The following GFRAL variants were observed in gnomAD, a reference collection of about 807,000 sequenced individuals.
GFRAL encodes the protein GDNF family receptor alpha like.
Under a neutral mutation model 45.4 loss-of-function variants are expected in GFRAL, and 36 were observed. The observed-to-expected ratio is 0.79, with a 90% CI of 0.61 to 1.05. GFRAL has a LOEUF of 1.05. Ranked by LOEUF, GFRAL falls within the 50% of genes least tolerant of loss-of-function variation. The pLI, the probability that GFRAL is intolerant of heterozygous loss-of-function variation, is 0.00. For missense variants in GFRAL, 507 were observed against 467.5 expected, an observed-to-expected ratio of 1.08 and a Z score of -0.78; for synonymous variants, 166 against 154.1, an observed-to-expected ratio of 1.08 and a Z score of -0.57.
intron 3 of GFRAL, among the ~76,000 whole-genome samples, 184 bp downstream of exon 3, chr6:55,334,128 GT>G (rs1257027990): frequency 6.6e-6 from 1 of 152,052 alleles, no homozygotes; most frequent in Non-Finnish European, 1.5e-5. Flanking sequence ...TACATGAGGT[GT>G]TTTGATACAG....
In GFRAL at chr6:55,380,785, G is replaced by T. The variant is rs185147187; in HGVS notation, c.953-18395G>T. ...GTAGTGAATGAATGAATGAGTAAAT[G>T]AATGAAAGTCAACCATAGTTCTATG... On this transcript the variant is annotated intron_variant, in intron 6 of 8. Coordinates refer to ENST00000340465, the MANE Select transcript of GFRAL (RefSeq NM_207410.2). Among the ~76,000 whole-genome samples, 5 of 152,056 alleles carry T rather than the reference G, an allele frequency of 3.3e-5. No homozygotes were observed. The East Asian group carries it at 9.7e-4, about 29-fold the overall frequency.
In GFRAL at chr6:55,399,447, T is replaced by C. The variant is rs1226447561; in HGVS notation, c.1121+6T>C. 2 of 1,578,632 alleles carry C rather than the reference T, an allele frequency of 1.3e-6. No individual in the cohort carries two copies. Among genetic ancestry groups the C allele is most frequent in the African/African-American group, 1.3e-5 (1 of 74,242 alleles). On this transcript the variant is annotated splice_donor_region_variant and intron_variant, in intron 8 of 8. Transcript: ENST00000340465. Reference sequence around the variant, plus strand: ...TTGGTTATGGTCAAGCTTAGGTAACTGAATATAAATTAGAAGGAAAGGTCT... The same window carrying C: ...TTGGTTATGGTCAAGCTTAGGTAACCGAATATAAATTAGAAGGAAAGGTCT...
At chr6:55,389,710 C>T (rs1295495330) in intron 6 of GFRAL, among the ~76,000 whole-genome samples, 3 of 152,184 alleles carry the variant, frequency 2.0e-5, no homozygotes, top group Non-Finnish European at 2.9e-5. Flanking sequence ...CTATGCTACA[C>T]TACTCCTCAC....
At position 55,344,094 on chromosome 6, in the gene GFRAL, A is replaced by T. The variant is rs191700582; in HGVS notation, c.317-5998A>T. ...CCAGGACCAGATGGATTCACAGTTG[A>T]ATTCTAGCAGAAATACAAACAGGAG... On this transcript the variant is annotated intron_variant, in intron 3 of 8. Coordinates refer to ENST00000340465, the MANE Select transcript of GFRAL (RefSeq NM_207410.2). 4.4e-4 allele frequency among the ~76,000 whole-genome samples: 67 copies of T among 152,338 alleles called. No homozygotes were observed. In the South Asian group the frequency reaches 5.6e-3, roughly 13 times the overall value.
Position 55,399,292 on chromosome 6 carries a change from T to A in GFRAL, c.1048+17T>A. ...CCTTCAATGGTCAGTTAAAAATCAA[T>A]CCTCTATAATATTTATATTATTTAT... On this transcript the variant is annotated intron_variant, in intron 7 of 8. Coordinates refer to ENST00000340465, the MANE Select transcript of GFRAL (RefSeq NM_207410.2). 2 of 1,523,498 alleles carry A rather than the reference T, an allele frequency of 1.3e-6. No individual in the cohort carries two copies. Among genetic ancestry groups the A allele is most frequent in the Non-Finnish European group, 9.0e-7 (1 of 1,106,778 alleles). 94.4% of individuals were successfully genotyped at this position (1,523,498 alleles called of 1,614,324 possible).
intron 6 of GFRAL, among the ~76,000 whole-genome samples, chr6:55,392,401 G>T (rs1426514367): frequency 6.6e-6 from 1 of 152,206 alleles, no homozygotes; most frequent in East Asian, 1.9e-4. Flanking sequence ...CAAATATGGT[G>T]CTTTTCATCA....
At chr6:55,377,116 G>C (rs1768545687) in intron 6 of GFRAL, among the ~76,000 whole-genome samples, 1 of 151,992 alleles carries the variant, frequency 6.6e-6, no homozygotes, top group South Asian at 2.1e-4. Flanking sequence ...GCTACTGGCT[G>C]GGTGGATATC....
intron 6 of GFRAL, among the ~76,000 whole-genome samples, chr6:55,388,923 G>C (rs1052847708): frequency 6.6e-6 from 1 of 151,914 alleles, no homozygotes; most frequent in Admixed American, 6.6e-5. Context: ...TCTTCCCCCA[G>C]CTCCCCTCAC....
intron 3 of GFRAL, among the ~76,000 whole-genome samples, chr6:55,338,253 C>A (rs1767916800): frequency 1.3e-5 from 2 of 151,940 alleles, no homozygotes; most frequent in South Asian, 4.2e-4. Context: ...CCACACCTGG[C>A]TGATTTTTGT....
chr6:55,354,117 A>G (rs928112104), intron 5 of GFRAL, among the ~76,000 whole-genome samples: 1 of 152,074 alleles, frequency 6.6e-6, no homozygotes, highest in Non-Finnish European at 1.5e-5. Context: ...AGCCATTAGC[A>G]TTCAACCTTC....
chr6:55,357,541 A>C (rs184090399), intron 5 of GFRAL, among the ~76,000 whole-genome samples: 3 of 151,574 alleles, frequency 2.0e-5, no homozygotes, highest in Admixed American at 2.0e-4. Flanking sequence ...TTTATTTTTC[A>C]ATCTATGTGT....
intron 6 of GFRAL, among the ~76,000 whole-genome samples, chr6:55,368,110 G>A (rs1169320677): frequency 1.3e-5 from 2 of 149,558 alleles, no homozygotes; most frequent in Non-Finnish European, 3.0e-5. Context: ...TTTTCACATA[G>A]TCCCATATTT....
In GFRAL at chr6:55,394,720, C is replaced by G. The variant is rs531957622; in HGVS notation, c.953-4460C>G. Among the ~76,000 whole-genome samples, 3 of 152,088 alleles carry G rather than the reference C, an allele frequency of 2.0e-5. No homozygotes were observed. The South Asian group carries it at 6.2e-4, about 32-fold the overall frequency. On this transcript the variant is annotated intron_variant, in intron 6 of 8. Transcript: ENST00000340465. ...GAGAACTAGAGGTAACAAAATGGTT[C>G]CTGAGTCGTCAGCTTTTAAGTGGTC... is the stretch of plus-strand genomic sequence containing the variant.
At chr6:55,345,903 A>C (rs2127353655) in intron 3 of GFRAL, among the ~76,000 whole-genome samples, 1 of 152,338 alleles carries the variant, frequency 6.6e-6, no homozygotes, top group African/African-American at 2.4e-5. Flanking sequence ...CACTTCTCAA[A>C]AGAAGACATT....
intron 6 of GFRAL, among the ~76,000 whole-genome samples, chr6:55,395,175 A>AAAAATATATATATATATATATATATATAT: frequency 2.4e-5 from 3 of 123,488 alleles, no homozygotes; most frequent in African/African-American, 1.0e-4. Flanking sequence ...AAAAAAAAAA[A>AAAAATATATATATATATATATATATATAT]ATATATATAT....
intron 6 of GFRAL, among the ~76,000 whole-genome samples, chr6:55,369,315 C>T (rs574377319): frequency 1.9e-4 from 29 of 152,278 alleles, no homozygotes; most frequent in Admixed American, 1.3e-3. Context: ...GCAAGGTGCG[C>T]GCACCCACTG....
intron 6 of GFRAL, among the ~76,000 whole-genome samples, chr6:55,391,543 G>A (rs1768754046): frequency 6.6e-6 from 1 of 152,140 alleles, no homozygotes; most frequent in Non-Finnish European, 1.5e-5. Flanking sequence ...TTGAGGCCGG[G>A]AGTTTGAGGC....
At chr6:55,355,084 A>G (rs1336361237) in intron 5 of GFRAL, among the ~76,000 whole-genome samples, 1 of 152,040 alleles carries the variant, frequency 6.6e-6, no homozygotes, top group Non-Finnish European at 1.5e-5. Flanking sequence ...TTAAATATGT[A>G]TGCATTATTT....
At chr6:55,393,907 G>A (rs1005658622) in intron 6 of GFRAL, among the ~76,000 whole-genome samples, 13 of 152,276 alleles carry the variant, frequency 8.5e-5, no homozygotes, top group Admixed American at 4.6e-4. Context: ...TCAGGCAGAA[G>A]TGAAAACAGG....
Sources: allele counts gnomAD v4.1 joint callset (sites outside exome capture counted in the v4.1 genomes callset), GRCh38; gene constraint gnomAD v4.1.1; transcripts MANE v1.5; gene names NCBI Gene and HGNC (gene_info 2026-07-23, HGNC 2026-07-21).